Variants in GPR137B observed in about 807,000 individuals in gnomAD.
GPR137B encodes the protein G protein-coupled receptor 137B, also known as integral membrane protein GPR137B.
GPR137B carries 42 observed loss-of-function variants against 42.5 expected under a neutral mutation model. That is an observed-to-expected ratio of 0.99 (90% CI 0.77 to 1.28). GPR137B has a LOEUF of 1.28. Ranked by LOEUF, GPR137B falls within the 50% of genes most tolerant of loss-of-function variation. The pLI, the probability that GPR137B is intolerant of heterozygous loss-of-function variation, is 0.00. For missense variants in GPR137B, 487 were observed against 493.9 expected (o/e 0.99, Z 0.13); for synonymous variants, 218 against 209.7 (o/e 1.04, Z -0.34).
intron 1 of GPR137B, among the ~76,000 whole-genome samples, chr1:236,157,052 A>G (rs765654488): frequency 1.3e-5 from 2 of 152,080 alleles, no homozygotes; most frequent in Non-Finnish European, 2.9e-5. Flanking sequence ...GGTGCTCTAC[A>G]TGTCTATTAA....
At chr1:236,164,509 C>T (rs556325139) in intron 1 of GPR137B, among the ~76,000 whole-genome samples, 2 of 152,228 alleles carry the variant, frequency 1.3e-5, no homozygotes, top group East Asian at 3.9e-4. Context: ...AATGGGCAGC[C>T]GGATATGAGA....
intron 1 of GPR137B, 28 bp from the exon 2 acceptor site, chr1:236,168,678 A>G: frequency 6.3e-7 from 1 of 1,597,656 alleles, no homozygotes; most frequent in Non-Finnish European, 8.6e-7. Context: ...ATTGGACCCC[A>G]ACCTGCCATG....
Position 236,142,544 on chromosome 1 carries a change from C to G in GPR137B, c.-79C>G, listed in dbSNP as rs1312911392. 1.3e-6 allele frequency: 1 copy of G among 749,880 alleles called. No individual in the cohort carries two copies. The highest frequency in any genetic ancestry group is 1.8e-5 in the African/African-American group (1 of 54,278). The allele number at this position is 749,880 out of a possible 1,614,324, so 46.5% of individuals were successfully genotyped here. A position where few individuals can be genotyped will look rare whatever the true frequency, so the allele number is the denominator to read the frequency against. On this transcript the variant is annotated 5_prime_UTR_variant, in exon 1 of 7. Coordinates refer to ENST00000366592, the MANE Select transcript of GPR137B (RefSeq NM_003272.4). ...CGGGGGAGGAAGTGCGGCTTGTTTT[C>G]TTTCCTCCAGTCTCGGGGCTGCAGG...
chr1:236,205,120 T>G lies in GPR137B; in HGVS notation c.967-6T>G. On this transcript the variant is annotated splice_polypyrimidine_tract_variant and splice_region_variant and intron_variant, in intron 5 of 6. Transcript: ENST00000366592. ...AAGTATGCTGAATGATTACCTGTCT[T>G]TCTAGACCAACCCTGGAATGGTCCC... is the stretch of plus-strand genomic sequence containing the variant. 6.2e-7 allele frequency: 1 copy of G among 1,611,886 alleles called. No homozygotes were observed. Among genetic ancestry groups the G allele is most frequent in the African/African-American group, 1.3e-5 (1 of 75,036 alleles).
intron 1 of GPR137B, among the ~76,000 whole-genome samples, chr1:236,158,458 C>T (rs778277799): frequency 4.6e-5 from 7 of 152,166 alleles, no homozygotes; most frequent in Non-Finnish European, 7.4e-5. Flanking sequence ...CTGGAGCAAA[C>T]GTGGCAAAGT....
At chr1:236,158,318 G>A (rs1361242033) in intron 1 of GPR137B, among the ~76,000 whole-genome samples, 5 of 152,122 alleles carry the variant, frequency 3.3e-5, no homozygotes, top group Non-Finnish European at 5.9e-5. Context: ...CCAGCTACTC[G>A]GGAGGCTGAG....
rs879626802 is a variant in GPR137B at position 236,155,397 on chromosome 1, G to A, written c.414+12361G>A. ...CCAGGAACCAACAAAGTAGGTTCCTGAGGGTTGACCAGCCTCACCCCTGAA... is the reference window on the plus strand; with the variant it reads ...CCAGGAACCAACAAAGTAGGTTCCTAAGGGTTGACCAGCCTCACCCCTGAA... On this transcript the variant is annotated intron_variant, in intron 1 of 6. Coordinates refer to ENST00000366592, the MANE Select transcript of GPR137B (RefSeq NM_003272.4). The surrounding 1 kb of genome is among the most constrained non-coding windows in gnomAD (Gnocchi z 4.6). Among the ~76,000 whole-genome samples the A allele has an allele frequency of 2.0e-5, 3 of 152,236 alleles. No homozygotes were observed. The highest frequency in any genetic ancestry group is 7.2e-5 in the African/African-American group (3 of 41,466).
At chr1:236,154,899 G>T (rs1227472586) in intron 1 of GPR137B, among the ~76,000 whole-genome samples, 1 of 152,204 alleles carries the variant, frequency 6.6e-6, no homozygotes, top group East Asian at 1.9e-4. Context: ...TGCATCCTCT[G>T]TGCTTCTAAT....
chr1:236,183,746 G>A, intron 4 of GPR137B, 32 bp from the exon 5 acceptor site: 1 of 1,549,968 alleles, frequency 6.5e-7, no homozygotes, highest in Non-Finnish European at 8.9e-7. Context: ...TCTTCCCTTG[G>A]TCTGATGACT....
intron 5 of GPR137B, among the ~76,000 whole-genome samples, chr1:236,200,697 CT>C (rs1663469142): frequency 6.6e-6 from 1 of 151,920 alleles, no homozygotes; most frequent in Admixed American, 6.6e-5. Flanking sequence ...CATGGAATAT[CT>C]TTTTCCACCC....
chr1:236,160,386 C>T (rs73121089), intron 1 of GPR137B, among the ~76,000 whole-genome samples: 3,404 of 152,230 alleles, frequency 0.022, 127 homozygotes, highest in African/African-American at 0.078. Flanking sequence ...AACCTCACTT[C>T]CCCGGGGTCC....
chr1:236,195,521 A>G (rs1055414784), intron 5 of GPR137B, among the ~76,000 whole-genome samples: 2 of 152,128 alleles, frequency 1.3e-5, no homozygotes, highest in South Asian at 4.1e-4. Context: ...ATGAACACTT[A>G]GGTTGCTTCC....
intron 2 of GPR137B, among the ~76,000 whole-genome samples, 156 bp downstream of exon 2, chr1:236,168,911 G>A (rs1662441828): frequency 6.6e-6 from 1 of 152,178 alleles, no homozygotes; most frequent in African/African-American, 2.4e-5. Flanking sequence ...CACATCATGT[G>A]CATTGCCGGT....
chr1:236,155,343 C>G lies in GPR137B; in HGVS notation c.414+12307C>G, dbSNP rs1661992027. On this transcript the variant is annotated intron_variant, in intron 1 of 6. Transcript: ENST00000366592. This position sits in a 1 kb window ranked among gnomAD's most constrained non-coding sequence, Gnocchi z 4.6. ...AATGCTTTCACCTCGCAGATAGACA[C>G]TGAGGCCTAGAAAGGTCGATGGAGC... 6.6e-6 allele frequency among the ~76,000 whole-genome samples: 1 copy of G among 152,204 alleles called. No individual in the cohort carries two copies. Among genetic ancestry groups the G allele is most frequent in the Non-Finnish European group, 1.5e-5 (1 of 68,026 alleles).
At chr1:236,181,189 CT>C (rs1662864379) in intron 4 of GPR137B, among the ~76,000 whole-genome samples, 1 of 151,960 alleles carries the variant, frequency 6.6e-6, no homozygotes, top group Non-Finnish European at 1.5e-5. Context: ...ATATGATACT[CT>C]TTTTAAAAAT....
intron 1 of GPR137B, among the ~76,000 whole-genome samples, chr1:236,149,741 G>C (rs1331922592): frequency 2.0e-5 from 3 of 152,278 alleles, no homozygotes; most frequent in African/African-American, 7.2e-5. Flanking sequence ...TGCTCAGCCT[G>C]GCCTCTGGGC....
intron 1 of GPR137B, among the ~76,000 whole-genome samples, chr1:236,166,674 G>T (rs1301354374): frequency 6.6e-6 from 1 of 151,954 alleles, no homozygotes; most frequent in East Asian, 1.9e-4. Context: ...TAAAAGGGAA[G>T]AGGTGCTTAC....
intron 2 of GPR137B, 96 bp downstream of exon 2, chr1:236,168,851 T>A (rs990089707): frequency 2.2e-6 from 2 of 926,014 alleles, no homozygotes; most frequent in Non-Finnish European, 3.6e-6. Context: ...ATCGCTGTTC[T>A]GTGAGCCGCC....
chr1:236,201,936 T>G (rs972557296), intron 5 of GPR137B, among the ~76,000 whole-genome samples: 1 of 151,992 alleles, frequency 6.6e-6, no homozygotes, highest in African/African-American at 2.4e-5. Flanking sequence ...TTTGTCTGGG[T>G]GGTTCCTTGA....
Sources: allele counts gnomAD v4.1 joint callset (sites outside exome capture counted in the v4.1 genomes callset), GRCh38; gene constraint gnomAD v4.1.1; non-coding constraint Gnocchi (gnomAD v3.1); transcripts MANE v1.5; gene names NCBI Gene and HGNC (gene_info 2026-07-23, HGNC 2026-07-21).